LUZP2: variants seen among roughly 807,000 people sequenced by gnomAD.
LUZP2 encodes leucine zipper protein 2.
In LUZP2, 52 loss-of-function variants were observed where a neutral mutation model predicts 51.6. The ratio of observed to expected loss-of-function variants is 1.01; its 90% CI spans 0.81 to 1.27. LUZP2 has a LOEUF of 1.27. LUZP2 is among the 50% of genes most tolerant of loss of function. The pLI is 0.00. For missense variants in LUZP2, 436 were observed against 395.4 expected, an observed-to-expected ratio of 1.10 and a Z score of -0.87; for synonymous variants, 154 against 137.3, an observed-to-expected ratio of 1.12 and a Z score of -0.85.
In LUZP2 at chr11:25,001,275, C is replaced by T. The variant is rs144043559; in HGVS notation, c.765+17982C>T. Among the ~76,000 whole-genome samples the T allele has an allele frequency of 2.8e-3, 427 of 152,322 alleles. 1 individual carries two copies. Among genetic ancestry groups the T allele is most frequent in the African/African-American group, 9.1e-3 (379 of 41,578 alleles). ...AAGGTTTGGCTGAGTGCAAACAGCT[C>T]ACACATTTGAGCAGACCAATTATTA... On this transcript the variant is annotated intron_variant, in intron 9 of 11. Coordinates refer to ENST00000336930, the MANE Select transcript of LUZP2 (RefSeq NM_001009909.4).
chr11:25,014,778 G>T (rs376337152), intron 9 of LUZP2, among the ~76,000 whole-genome samples: 7 of 152,038 alleles, frequency 4.6e-5, no homozygotes, highest in East Asian at 1.9e-4. Flanking sequence ...GTCAATTTTG[G>T]CTTTTGTTGC....
At chr11:24,498,330 T>G (rs536665456) in intron 1 of LUZP2, among the ~76,000 whole-genome samples, 1 of 152,366 alleles carries the variant, frequency 6.6e-6, no homozygotes, top group East Asian at 1.9e-4. Flanking sequence ...TAGGGTTGTT[T>G]CTAATTCTGA....
intron 1 of LUZP2, among the ~76,000 whole-genome samples, chr11:24,697,892 G>A (rs1197274236): frequency 1.3e-5 from 2 of 152,020 alleles, no homozygotes; most frequent in Non-Finnish European, 2.9e-5. Flanking sequence ...ACGCCACTTG[G>A]ATCCATGACT....
intron 1 of LUZP2, among the ~76,000 whole-genome samples, chr11:24,559,262 C>G (rs1433247399): frequency 6.6e-6 from 1 of 151,938 alleles, no homozygotes; most frequent in African/African-American, 2.4e-5. Flanking sequence ...GTCCTGGAAA[C>G]ATTAAAAACA....
chr11:24,994,705 A>G (rs1856445411), intron 9 of LUZP2, among the ~76,000 whole-genome samples: 1 of 152,236 alleles, frequency 6.6e-6, no homozygotes, highest in African/African-American at 2.4e-5. Flanking sequence ...GAGTCTTTAG[A>G]TAACTTAGGG....
chr11:24,512,406 CAAGT>C (rs1370886181), intron 1 of LUZP2, among the ~76,000 whole-genome samples: 1 of 151,992 alleles, frequency 6.6e-6, no homozygotes, highest in African/African-American at 2.4e-5. Flanking sequence ...TTTAATAGTA[CAAGT>C]AAGACGTGGG....
At chr11:24,952,683 T>A (rs75520188) in intron 7 of LUZP2, among the ~76,000 whole-genome samples, 3,722 of 152,028 alleles carry the variant, frequency 0.024, 66 homozygotes, top group Middle Eastern at 0.037. Context: ...TTATATATGT[T>A]TCTTTGACTT....
intron 5 of LUZP2, among the ~76,000 whole-genome samples, chr11:24,846,317 C>G (rs1051767393): frequency 6.6e-6 from 1 of 151,772 alleles, no homozygotes; most frequent in Non-Finnish European, 1.5e-5. Context: ...TAAACATATA[C>G]AGCAAGTCAA....
intron 1 of LUZP2, among the ~76,000 whole-genome samples, chr11:24,537,847 G>A (rs951317244): frequency 2.1e-4 from 32 of 151,612 alleles, no homozygotes; most frequent in African/African-American, 6.0e-4. Flanking sequence ...TTAAACAAAC[G>A]TTTCACCTTT....
intron 7 of LUZP2, among the ~76,000 whole-genome samples, chr11:24,939,033 G>T (rs1854670210): frequency 6.6e-6 from 1 of 151,832 alleles, no homozygotes; most frequent in African/African-American, 2.4e-5. Context: ...CTAGCAATCT[G>T]ATTAATCAGA....
chr11:24,905,183 C>T (rs1203554456), intron 5 of LUZP2, among the ~76,000 whole-genome samples: 6 of 151,730 alleles, frequency 4.0e-5, no homozygotes, highest in Non-Finnish European at 5.9e-5. Flanking sequence ...ACTTTAATAC[C>T]CCACTTTCAG....
At chr11:24,777,622 C>T (rs970940857) in intron 5 of LUZP2, among the ~76,000 whole-genome samples, 1 of 152,058 alleles carries the variant, frequency 6.6e-6, no homozygotes, top group Admixed American at 6.6e-5. Flanking sequence ...AGTTATACTT[C>T]TGTTTAACTT....
chr11:24,777,089 G>A (rs1419037540), intron 5 of LUZP2, among the ~76,000 whole-genome samples: 2 of 151,410 alleles, frequency 1.3e-5, no homozygotes, highest in East Asian at 3.9e-4. Context: ...CAGCCTCCCG[G>A]GTTCATGCCA....
chr11:24,711,055 C>T (rs1359311633), intron 1 of LUZP2, among the ~76,000 whole-genome samples: 1 of 151,984 alleles, frequency 6.6e-6, no homozygotes, highest in East Asian at 1.9e-4. Flanking sequence ...AGAAGAAATG[C>T]TAGCATCTAA....
At position 24,665,559 on chromosome 11, in the gene LUZP2, A is replaced by G. The variant is rs145219723; in HGVS notation, c.63-63610A>G. ...CTCATCTTGAATTGTAGTTCTCATA[A>G]TCCCCAAATGTCATGGGAGGGACCT... On this transcript the variant is annotated intron_variant, in intron 1 of 11. Coordinates refer to ENST00000336930, the MANE Select transcript of LUZP2 (RefSeq NM_001009909.4). Among the ~76,000 whole-genome samples, 663 of 152,256 alleles carry G rather than the reference A, an allele frequency of 4.4e-3. 4 individuals carry two copies. Among genetic ancestry groups the G allele is most frequent in the African/African-American group, 0.015 (616 of 41,554 alleles).
chr11:24,827,496 A>C (rs1431399138), intron 5 of LUZP2, among the ~76,000 whole-genome samples: 1 of 152,216 alleles, frequency 6.6e-6, no homozygotes, highest in Non-Finnish European at 1.5e-5. Context: ...CAGTGAAATC[A>C]GATGTTAACT....
At position 25,045,017 on chromosome 11, in the gene LUZP2, C is replaced by T. The variant is rs1483773937; in HGVS notation, c.766-5021C>T. Reference sequence around the variant, plus strand: ...AGGTGGGAATTGAACAATGAGAACACATGGACACAGGAAGGGGAACATCAC... The same window carrying T: ...AGGTGGGAATTGAACAATGAGAACATATGGACACAGGAAGGGGAACATCAC... On this transcript the variant is annotated intron_variant, in intron 9 of 11. Coordinates refer to ENST00000336930, the MANE Select transcript of LUZP2 (RefSeq NM_001009909.4). Among the ~76,000 whole-genome samples the T allele has an allele frequency of 1.1e-4, 13 of 118,008 alleles. No individual in the cohort carries two copies. The South Asian group carries it at 1.4e-3, about 13-fold the overall frequency. The allele number at this position is 118,008 out of a possible 152,430, so 77.4% of individuals were successfully genotyped here.
chr11:24,581,665 T>C (rs1456577658), intron 1 of LUZP2, among the ~76,000 whole-genome samples: 1 of 141,954 alleles, frequency 7.0e-6, no homozygotes, highest in African/African-American at 2.6e-5. Context: ...AGTGAGACTC[T>C]GTCTAAAATA....
At chr11:24,802,217 G>A (rs1466150901) in intron 5 of LUZP2, among the ~76,000 whole-genome samples, 2 of 151,904 alleles carry the variant, frequency 1.3e-5, no homozygotes, top group Admixed American at 6.6e-5. Context: ...ATTTATATTT[G>A]TGTGATCCAG....
Sources: gnomAD v4.1 joint callset for allele counts (sites outside exome capture counted in the v4.1 genomes callset) on GRCh38, gnomAD v4.1.1 for gene constraint, MANE v1.5 for transcripts, NCBI Gene and HGNC (gene_info 2026-07-23, HGNC 2026-07-21) for gene names.